Variants in RDX observed in about 807,000 individuals in gnomAD.
RDX encodes the protein radixin.
Under a neutral mutation model 83.7 loss-of-function variants are expected in RDX, and 32 were observed. The ratio of observed to expected loss-of-function variants is 0.38; its 90% CI spans 0.29 to 0.51. The LOEUF is 0.51. Among genes scored for constraint, RDX ranks in the 20% least tolerant of loss-of-function variants. RDX has a pLI of 0.87. For missense variants in RDX, 600 were observed against 689.9 expected (o/e 0.87, Z 1.46); for synonymous variants, 229 against 222.7 (o/e 1.03, Z -0.25).
chr11:110,282,804 T>C (rs1379596256), intron 1 of RDX, among the ~76,000 whole-genome samples: 6 of 152,010 alleles, frequency 3.9e-5, no homozygotes, highest in African/African-American at 1.4e-4. Flanking sequence ...CACAGACAGA[T>C]TGTGTCTCCA....
intron 15 of RDX, among the ~76,000 whole-genome samples, chr11:110,179,314 C>G (rs1862836056): frequency 6.6e-6 from 1 of 152,210 alleles, no homozygotes; most frequent in Non-Finnish European, 1.5e-5. Flanking sequence ...ACAATGAACA[C>G]CACGCCAGGA....
chr11:110,274,236 A>T (rs1860421410), intron 2 of RDX, among the ~76,000 whole-genome samples: 1 of 152,204 alleles, frequency 6.6e-6, no homozygotes, highest in Admixed American at 6.5e-5. Flanking sequence ...TCTACCATCC[A>T]ACTGAATAAC....
chr11:110,212,247 A>C (rs1395761974), intron 14 of RDX, among the ~76,000 whole-genome samples: 1 of 152,174 alleles, frequency 6.6e-6, no homozygotes, highest in African/African-American at 2.4e-5. Flanking sequence ...GAAATGGATA[A>C]ATTCCTGGAC....
chr11:110,199,177 C>T (rs1348175742), intron 15 of RDX, among the ~76,000 whole-genome samples: 1 of 152,176 alleles, frequency 6.6e-6, no homozygotes, highest in African/African-American at 2.4e-5. Flanking sequence ...CATAAGAGAA[C>T]TTGCACCATA....
intron 14 of RDX, among the ~76,000 whole-genome samples, chr11:110,210,357 A>G (rs191330750): frequency 0.2 from 14,964 of 75,384 alleles, 1,712 homozygotes; most frequent in African/African-American, 0.39. Flanking sequence ...CCAAATCTAC[A>G]TCTGATTGGT....
At chr11:110,255,019 G>T (rs1859484238) in intron 8 of RDX, among the ~76,000 whole-genome samples, 1 of 152,138 alleles carries the variant, frequency 6.6e-6, no homozygotes, top group African/African-American at 2.4e-5. Context: ...TCTTAGGAAT[G>T]GTGTTTTCAT....
chr11:110,222,665 G>A lies in RDX; in HGVS notation c.1748+9208C>T, dbSNP rs181313668. Among the ~76,000 whole-genome samples, 506 of 152,086 alleles carry A rather than the reference G, an allele frequency of 3.3e-3. 9 individuals carry two copies. The highest frequency in any genetic ancestry group is 0.021 in the East Asian group (110 of 5,164). On this transcript the variant is annotated intron_variant, in intron 14 of 15. Coordinates refer to the RDX transcript ENST00000528498. ...CAAAAACTTAGCCAGGCATGGTGGC[G>A]GACGCCTGTAGTCCCAGCTACTTGG... is the stretch of plus-strand genomic sequence containing the variant.
In RDX at chr11:110,236,159, A is replaced by G. The variant is rs1284435673; in HGVS notation, c.1284T>C (p.Ile428=). Residue 428 remains isoleucine, a synonymous_variant, in exon 12 of 14, where the codon ATT becomes ATC. Transcript: ENST00000645495. ...TCTTCTTGGCTTCCTCTAGAAGTGC[A>G]ATCTTGGCAGTGAATTCAGCAAGTT... ...AAELAEFTAK[I]ALLEEAKKKK... 4 of 1,612,674 alleles carry G rather than the reference A, an allele frequency of 2.5e-6. No individual in the cohort carries two copies. In the Admixed American group the frequency reaches 6.7e-5, roughly 27 times the overall value.
chr11:110,205,596 CA>C lies in RDX; in HGVS notation c.1749-5919del, dbSNP rs535178400. Among the ~76,000 whole-genome samples, 1,322 of 149,150 alleles carry C rather than the reference CA, an allele frequency of 8.9e-3. 13 individuals carry two copies. Among genetic ancestry groups the C allele is most frequent in the Non-Finnish European group, 0.012 (787 of 67,198 alleles). On this transcript the variant is annotated intron_variant, in intron 14 of 15. Coordinates refer to the RDX transcript ENST00000528498. ...GATAAACAATCTAATAAAAAACAGG[CA>C]AAAAAAAAGTTATTTCAAAGAAAAT...
chr11:110,217,109 C>A (rs1009779194), intron 14 of RDX, among the ~76,000 whole-genome samples: 1 of 152,210 alleles, frequency 6.6e-6, no homozygotes, highest in South Asian at 2.1e-4. Context: ...AACAGAGGAA[C>A]AAGAGGAGCT....
At chr11:110,222,494 A>G (rs559620397) in intron 14 of RDX, among the ~76,000 whole-genome samples, 1 of 152,192 alleles carries the variant, frequency 6.6e-6, no homozygotes, top group South Asian at 2.1e-4. Context: ...TATTTTAAGA[A>G]TGCATATAAA....
intron 9 of RDX, among the ~76,000 whole-genome samples, chr11:110,249,634 G>C (rs1458353637): frequency 6.6e-6 from 1 of 152,140 alleles, no homozygotes; most frequent in Non-Finnish European, 1.5e-5. Context: ...ACCACATTGT[G>C]AGGCAAAGGC....
Position 110,231,294 on chromosome 11 carries a change from TTCTAA to T in RDX, c.*570_*574del, listed in dbSNP as rs1223210136. The T allele has an allele frequency of 1.9e-5, 3 of 156,710 alleles. No individual in the cohort carries two copies. The highest frequency in any genetic ancestry group is 4.3e-5 in the Non-Finnish European group (3 of 70,554). 9.7% of individuals were successfully genotyped at this position (156,710 alleles called of 1,614,324 possible). ...CCAGCTGTACATACATTATTAAATGTTCTAATCTCTTTCCTGATTCATAGCCATAT... is the reference window on the plus strand; with the variant it reads ...CCAGCTGTACATACATTATTAAATGTTCTCTTTCCTGATTCATAGCCATAT... On this transcript the variant is annotated 3_prime_UTR_variant, in exon 14 of 14. Coordinates refer to ENST00000645495, the MANE Select transcript of RDX (RefSeq NM_002906.4).
intron 15 of RDX, among the ~76,000 whole-genome samples, chr11:110,195,107 C>G (rs1327985326): frequency 6.6e-6 from 1 of 152,192 alleles, no homozygotes; most frequent in Non-Finnish European, 1.5e-5. Flanking sequence ...TCTCCTGCCT[C>G]AGCCTCCCGA....
At chr11:110,269,939 G>A (rs1456294299) in intron 3 of RDX, among the ~76,000 whole-genome samples, 1 of 152,148 alleles carries the variant, frequency 6.6e-6, no homozygotes, top group African/African-American at 2.4e-5. Context: ...CTACTCAAGA[G>A]GCTGAGGTGG....
intron 1 of RDX, among the ~76,000 whole-genome samples, chr11:110,283,884 T>G (rs1180573937): frequency 6.6e-6 from 1 of 152,134 alleles, no homozygotes; most frequent in African/African-American, 2.4e-5. Context: ...TAGAAAAATT[T>G]GCAACAGTAT....
intron 15 of RDX, among the ~76,000 whole-genome samples, chr11:110,180,922 G>A (rs918524472): frequency 4.6e-5 from 7 of 151,992 alleles, no homozygotes; most frequent in South Asian, 2.1e-4. Flanking sequence ...TGAAACCTTC[G>A]GATGAACTGT....
intron 14 of RDX, among the ~76,000 whole-genome samples, chr11:110,211,369 C>T (rs907965346): frequency 2.6e-5 from 4 of 151,312 alleles, no homozygotes; most frequent in African/African-American, 9.7e-5. Flanking sequence ...ACTTAGACTC[C>T]CACACATTAA....
chr11:110,207,582 G>A (rs1863651888), intron 14 of RDX, among the ~76,000 whole-genome samples: 1 of 151,880 alleles, frequency 6.6e-6, no homozygotes, highest in African/African-American at 2.4e-5. Flanking sequence ...CTTCCCATCT[G>A]TTTTTGTACA....
Sources: gnomAD v4.1 joint callset for allele counts (sites outside exome capture counted in the v4.1 genomes callset) on GRCh38, gnomAD v4.1.1 for gene constraint, MANE v1.5 for transcripts, NCBI Gene and HGNC (gene_info 2026-07-23, HGNC 2026-07-21) for gene names.